CDH11: variants seen among roughly 807,000 people sequenced by gnomAD.
The protein encoded by CDH11 is cadherin-11.
CDH11 carries 11 observed loss-of-function variants against 67.8 expected under a neutral mutation model. That is an observed-to-expected ratio of 0.16 (90% CI 0.10 to 0.27). CDH11 has a LOEUF of 0.27. CDH11 is among the 10% of genes least tolerant of loss of function. CDH11 has a pLI of 1.00. For synonymous variants in CDH11, 419 were observed against 400.0 expected, an observed-to-expected ratio of 1.05 and a Z score of -0.57; for missense variants, 847 against 1,031.2, an observed-to-expected ratio of 0.82 and a Z score of 2.45.
rs2142359865 is a variant in CDH11 at position 64,946,260 on chromosome 16, A to G, written c.*1343T>C. 2.9e-6 allele frequency: 3 copies of G among 1,048,220 alleles called. No individual in the cohort carries two copies. Among genetic ancestry groups the G allele is most frequent in the East Asian group, 1.1e-4 (2 of 17,994 alleles). 64.9% of individuals were successfully genotyped at this position (1,048,220 alleles called of 1,614,324 possible). A position where few individuals can be genotyped will look rare whatever the true frequency, so the allele number is the denominator to read the frequency against. On this transcript the variant is annotated 3_prime_UTR_variant, in exon 13 of 13. Coordinates refer to ENST00000268603, the MANE Select transcript of CDH11 (RefSeq NM_001797.4). ...CAGTTTCAACTATCAAGAGTCTTAC[A>G]ATAGCCTGGTAAGTTCAACAGAAGA...
At chr16:64,957,599 TGC>T (rs1491440475) in intron 11 of CDH11, among the ~76,000 whole-genome samples, 1 of 47,278 alleles carries the variant, frequency 2.1e-5, no homozygotes, top group African/African-American at 1.1e-4. Context: ...CACATGCCCG[TGC>T]ACACACACAC....
At position 65,049,585 on chromosome 16, in the gene CDH11, C is replaced by T. The variant is rs368937777; in HGVS notation, c.-173+4219G>A. 7.8e-4 allele frequency among the ~76,000 whole-genome samples: 119 copies of T among 152,244 alleles called. 2 individuals are homozygous for T. In the South Asian group the frequency reaches 0.023, roughly 30 times the overall value. On this transcript the variant is annotated intron_variant, in intron 2 of 12. Coordinates refer to ENST00000268603, the MANE Select transcript of CDH11 (RefSeq NM_001797.4). The stretch of plus-strand genomic sequence containing the variant: ...AATATCAATGTCATTGACCTCTTTG[C>T]CCATCACTAGCTAAATAAAGCAAGA...
At chr16:65,024,564 T>C (rs1168067964) in intron 2 of CDH11, among the ~76,000 whole-genome samples, 1 of 152,182 alleles carries the variant, frequency 6.6e-6, no homozygotes, top group Non-Finnish European at 1.5e-5. Flanking sequence ...AAGCAGTTCT[T>C]CAAAGTACTA....
Position 64,945,310 on chromosome 16 carries a change from AAAAAAAAAAG to A in CDH11, c.*2283_*2292del. 2.0e-5 allele frequency: 13 copies of A among 660,982 alleles called. No homozygotes were observed. Among genetic ancestry groups the A allele is most frequent in the Non-Finnish European group, 2.5e-5 (13 of 519,884 alleles). The allele number at this position is 660,982 out of a possible 1,614,324, so 40.9% of individuals were successfully genotyped here. A position where few individuals can be genotyped will look rare whatever the true frequency, so the allele number is the denominator to read the frequency against. Reference sequence around the variant, plus strand: ...ACGAAAAAATAAAAGGTAAAAAAAAAAAAAAAAAAGAAAAAGAAAAACAAGTATTCTTAAC... The same window carrying A: ...ACGAAAAAATAAAAGGTAAAAAAAAAAAAAAGAAAAACAAGTATTCTTAAC... On this transcript the variant is annotated 3_prime_UTR_variant, in exon 13 of 13. Transcript: ENST00000268603.
chr16:64,963,849 A>G (rs960570905), intron 11 of CDH11, among the ~76,000 whole-genome samples: 5 of 152,208 alleles, frequency 3.3e-5, no homozygotes, highest in Non-Finnish European at 7.3e-5. Flanking sequence ...AGAATTCTCT[A>G]ACTACCAGAA....
chr16:65,000,734 A>G (rs2072900595), intron 3 of CDH11, among the ~76,000 whole-genome samples: 1 of 152,230 alleles, frequency 6.6e-6, no homozygotes, highest in East Asian at 1.9e-4. Context: ...GCTTGAAACC[A>G]GGAGGTGGAG....
At chr16:65,115,899 A>C (rs1166400325) in intron 1 of CDH11, among the ~76,000 whole-genome samples, 1 of 152,132 alleles carries the variant, frequency 6.6e-6, no homozygotes, top group Non-Finnish European at 1.5e-5. Flanking sequence ...TGCGATCACA[A>C]CACTGCACTC....
At chr16:64,971,865 G>GT in intron 10 of CDH11, 66 bp downstream of exon 10, 2 of 1,566,564 alleles carry the variant, frequency 1.3e-6, no homozygotes, top group Non-Finnish European at 1.8e-6. Context: ...CCAAGTGATG[G>GT]TTTAAAAAAC....
rs2072006872 is a variant in CDH11, at chr16:64,971,607, A to T, written c.1614T>A (p.Asn538Lys). The change falls in exon 11 of 13, where the codon AAT (asparagine) becomes AAA (lysine). Residue 538 changes from asparagine to lysine, a missense_variant. Around this residue, in one of 2 missense-constraint regions of CDH11, gnomAD observed 612 missense variants for 678.7 expected, o/e 0.90. Coordinates refer to ENST00000268603, the MANE Select transcript of CDH11 (RefSeq NM_001797.4). ...GGTTGTCTCTGACTGTGAAATTTGG[A>T]TTGTGAATGATTTCAGGGGGTAGGC... ...IFSLPPEIIH[N>K]PNFTVRDNRD... 6.2e-7 allele frequency: 1 copy of T among 1,612,638 alleles called. No homozygotes were observed. The highest frequency in any genetic ancestry group is 1.7e-5 in the Admixed American group (1 of 59,820).
chr16:65,095,789 A>G (rs530368307), intron 1 of CDH11, among the ~76,000 whole-genome samples: 4 of 152,232 alleles, frequency 2.6e-5, no homozygotes, highest in Admixed American at 2.0e-4. Context: ...CCTCAAGTTC[A>G]TATGTTGAAA....
At chr16:65,068,065 G>T (rs1241596855) in intron 1 of CDH11, among the ~76,000 whole-genome samples, 1 of 120,354 alleles carries the variant, frequency 8.3e-6, no homozygotes, top group East Asian at 2.6e-4. Flanking sequence ...GGAGGGAGGG[G>T]GCAGGGAGAG....
chr16:65,080,614 G>C lies in CDH11; in HGVS notation c.-297-26686C>G, dbSNP rs183540983. On this transcript the variant is annotated intron_variant, in intron 1 of 12. Coordinates refer to ENST00000268603, the MANE Select transcript of CDH11 (RefSeq NM_001797.4). ...GTACATGTATGTGTATGTGGGTATA[G>C]TCATGCATACAATTTTGGTTAATTG... 1.1e-3 allele frequency among the ~76,000 whole-genome samples: 171 copies of C among 152,324 alleles called. 3 individuals carry two copies. The East Asian group carries it at 0.021, about 19-fold the overall frequency.
At chr16:65,041,717 C>T (rs1038278385) in intron 2 of CDH11, among the ~76,000 whole-genome samples, 2 of 152,198 alleles carry the variant, frequency 1.3e-5, no homozygotes, top group Non-Finnish European at 2.9e-5. Context: ...TCCGCGTTTG[C>T]TTGAGTGAAA....
At chr16:65,100,876 C>G (rs2142856638) in intron 1 of CDH11, among the ~76,000 whole-genome samples, 2 of 152,232 alleles carry the variant, frequency 1.3e-5, no homozygotes, top group Middle Eastern at 6.8e-3. Flanking sequence ...AGTAGACAAC[C>G]ACTATGTGTA....
At chr16:65,116,320 A>T (rs1019113122) in intron 1 of CDH11, among the ~76,000 whole-genome samples, 3 of 152,188 alleles carry the variant, frequency 2.0e-5, no homozygotes, top group Non-Finnish European at 4.4e-5. Context: ...ATGGAGCCTA[A>T]TGGAGGCTGA....
At chr16:65,004,538 G>T (rs1015882033) in intron 3 of CDH11, 104 bp downstream of exon 3, 60 of 1,218,500 alleles carry the variant, frequency 4.9e-5, no homozygotes, top group Non-Finnish European at 6.4e-5. Context: ...AGCCATTGGT[G>T]TTTTCTCTCT....
intron 11 of CDH11, among the ~76,000 whole-genome samples, chr16:64,952,798 T>C (rs1359919804): frequency 6.6e-6 from 1 of 152,068 alleles, no homozygotes; most frequent in Non-Finnish European, 1.5e-5. Context: ...AGGCTTTAAA[T>C]AGGTTGACAG....
At chr16:65,010,090 C>A (rs1202941006) in intron 2 of CDH11, among the ~76,000 whole-genome samples, 1 of 152,184 alleles carries the variant, frequency 6.6e-6, no homozygotes, top group South Asian at 2.1e-4. Context: ...GTCCCCTCCC[C>A]ACAGAGCTGG....
Position 64,947,585 on chromosome 16 carries a change from A to T in CDH11, c.*18T>A. On this transcript the variant is annotated 3_prime_UTR_variant, in exon 13 of 13. Transcript: ENST00000268603. ...AACGCCAGACACAGTTCTTAAGGCC[A>T]AATTTGTATCGTTATTGTTAAGAAT... The T allele has an allele frequency of 6.3e-7, 1 of 1,594,664 alleles. No individual in the cohort carries two copies. Among genetic ancestry groups the T allele is most frequent in the South Asian group, 1.1e-5 (1 of 89,932 alleles).
Sources: allele counts gnomAD v4.1 joint callset (sites outside exome capture counted in the v4.1 genomes callset), GRCh38; gene constraint gnomAD v4.1.1; regional missense constraint gnomAD v4.1.1; transcripts MANE v1.5; gene names NCBI Gene and HGNC (gene_info 2026-07-23, HGNC 2026-07-21).